EPHA6: variants seen among roughly 807,000 people sequenced by gnomAD.
EPHA6 encodes the protein ephrin type-A receptor 6.
EPHA6 carries 50 observed loss-of-function variants against 112.0 expected under a neutral mutation model. The ratio of observed to expected loss-of-function variants is 0.45; its 90% CI spans 0.36 to 0.56. The LOEUF is 0.56. EPHA6 is among the 20% of genes least tolerant of loss of function. EPHA6 has a pLI of 0.00. For missense variants in EPHA6, 1,280 were observed against 1,417.4 expected, an observed-to-expected ratio of 0.90 and a Z score of 1.56; for synonymous variants, 529 against 490.7, an observed-to-expected ratio of 1.08 and a Z score of -1.03.
intron 5 of EPHA6, among the ~76,000 whole-genome samples, chr3:97,267,962 G>A (rs2079744085): frequency 6.6e-6 from 1 of 152,124 alleles, no homozygotes; most frequent in African/African-American, 2.4e-5. Flanking sequence ...AATAAAAAAA[G>A]AGTTTATTTT....
chr3:97,096,610 A>G (rs938657215), intron 3 of EPHA6, among the ~76,000 whole-genome samples: 11 of 151,902 alleles, frequency 7.2e-5, no homozygotes, highest in Non-Finnish European at 1.5e-4. Context: ...TTAAAATCTC[A>G]GTGAGACATG....
At chr3:97,048,730 T>G (rs562662060) in intron 3 of EPHA6, among the ~76,000 whole-genome samples, 17 of 152,126 alleles carry the variant, frequency 1.1e-4, no homozygotes, top group Non-Finnish European at 1.8e-4. Flanking sequence ...GATAAAATAG[T>G]GAACAAAACT....
intron 1 of EPHA6, among the ~76,000 whole-genome samples, chr3:96,849,481 C>T (rs961149611): frequency 3.3e-5 from 5 of 152,082 alleles, no homozygotes; most frequent in Admixed American, 3.3e-4. Context: ...TTAAGTCTTG[C>T]TGTGTTAATT....
intron 14 of EPHA6, among the ~76,000 whole-genome samples, chr3:97,681,883 C>G (rs1387867255): frequency 6.6e-6 from 1 of 152,030 alleles, no homozygotes; most frequent in Admixed American, 6.6e-5. Flanking sequence ...ACATGTTTTA[C>G]TCTACTTAGT....
intron 5 of EPHA6, among the ~76,000 whole-genome samples, chr3:97,319,585 G>A (rs767242549): frequency 8.7e-5 from 13 of 149,434 alleles, no homozygotes; most frequent in Non-Finnish European, 1.6e-4. Context: ...CAGGAGAGTC[G>A]CTTGAACCCA....
chr3:97,755,342 T>C lies in EPHA6; in HGVS notation c.*6641T>C, dbSNP rs535361835. ...AAAAGTATCAGAATTAGTGAAAATC[T>C]TCCCTTAAGTAAAACTGTTCTTACT... On this transcript the variant is annotated 3_prime_UTR_variant, in exon 18 of 18. Coordinates refer to ENST00000389672, the MANE Select transcript of EPHA6 (RefSeq NM_001080448.3). 3.1e-4 allele frequency among the ~76,000 whole-genome samples: 47 copies of C among 152,318 alleles called. No individual in the cohort carries two copies. Among genetic ancestry groups the C allele is most frequent in the African/African-American group, 1.1e-3 (46 of 41,586 alleles).
At chr3:97,521,516 A>G (rs2092542385) in intron 10 of EPHA6, among the ~76,000 whole-genome samples, 1 of 152,186 alleles carries the variant, frequency 6.6e-6, no homozygotes, top group South Asian at 2.1e-4. Context: ...GAACCAAGCC[A>G]AAAGGGAAGC....
At chr3:97,005,877 T>G (rs2043858953) in intron 3 of EPHA6, among the ~76,000 whole-genome samples, 1 of 152,220 alleles carries the variant, frequency 6.6e-6, no homozygotes. Flanking sequence ...GAGATAATCA[T>G]GTGATTTTTG....
intron 5 of EPHA6, among the ~76,000 whole-genome samples, chr3:97,351,534 C>A (rs115698435): frequency 1.2e-4 from 19 of 152,024 alleles, no homozygotes; most frequent in Non-Finnish European, 2.4e-4. Context: ...GTATGTTGTA[C>A]GGCGAGGGAA....
chr3:97,000,287 A>ATATAGC (rs1553685583), intron 3 of EPHA6, among the ~76,000 whole-genome samples: 1 of 147,102 alleles, frequency 6.8e-6, no homozygotes, highest in Non-Finnish European at 1.5e-5. Context: ...ACACACACAC[A>ATATAGC]CACACATATA....
intron 11 of EPHA6, among the ~76,000 whole-genome samples, chr3:97,572,431 T>A (rs536552837): frequency 1.3e-5 from 2 of 152,184 alleles, no homozygotes; most frequent in Non-Finnish European, 2.9e-5. Flanking sequence ...ATTACAGGCG[T>A]GAGACACCGC....
At position 96,933,714 on chromosome 3, in the gene EPHA6, AT is replaced by A. The variant is rs767029792; in HGVS notation, c.451-53612del. The stretch of plus-strand genomic sequence containing the variant: ...TCTTAGAAGAAGAATTTAGTTATGA[AT>A]TTTAAGGACACAGAGTAAGTTTATT... On this transcript the variant is annotated intron_variant, in intron 2 of 17. Transcript: ENST00000389672. Among the ~76,000 whole-genome samples the A allele has an allele frequency of 7.9e-5, 12 of 152,298 alleles. No homozygotes were observed. In the East Asian group the frequency reaches 2.3e-3, roughly 29 times the overall value.
intron 12 of EPHA6, among the ~76,000 whole-genome samples, chr3:97,609,019 T>C (rs916943994): frequency 6.6e-6 from 1 of 151,372 alleles, no homozygotes. Flanking sequence ...GCAATACAAG[T>C]GGAATGCTTG....
intron 11 of EPHA6, among the ~76,000 whole-genome samples, chr3:97,571,740 A>G (rs1411743670): frequency 1.3e-5 from 2 of 152,230 alleles, no homozygotes; most frequent in African/African-American, 4.8e-5. Flanking sequence ...TAGACTCAAC[A>G]TGAATTTGCT....
At chr3:97,342,655 C>T (rs537875843) in intron 5 of EPHA6, among the ~76,000 whole-genome samples, 1 of 152,130 alleles carries the variant, frequency 6.6e-6, no homozygotes. Flanking sequence ...GAAGTGGAGT[C>T]CCTTATGATA....
At chr3:97,160,899 A>G (rs1171327958) in intron 3 of EPHA6, among the ~76,000 whole-genome samples, 1 of 152,050 alleles carries the variant, frequency 6.6e-6, no homozygotes, top group East Asian at 1.9e-4. Flanking sequence ...AGGACCATCT[A>G]TAAATCAGGT....
At chr3:97,158,714 A>T (rs2076345134) in intron 3 of EPHA6, among the ~76,000 whole-genome samples, 1 of 152,114 alleles carries the variant, frequency 6.6e-6, no homozygotes, top group Admixed American at 6.6e-5. Flanking sequence ...AAACCAATGG[A>T]GTAGAGGAAA....
intron 14 of EPHA6, among the ~76,000 whole-genome samples, chr3:97,644,115 G>A (rs1201473272): frequency 3.9e-5 from 6 of 152,056 alleles, no homozygotes; most frequent in African/African-American, 1.2e-4. Flanking sequence ...AATCAAACTA[G>A]AGCTCAGGAT....
intron 14 of EPHA6, among the ~76,000 whole-genome samples, chr3:97,649,220 G>A (rs183861858): frequency 2.5e-4 from 38 of 152,144 alleles, no homozygotes; most frequent in East Asian, 7.8e-4. Flanking sequence ...GGAAAGTCAC[G>A]TCTTACATGG....
Sources: allele counts gnomAD v4.1 joint callset (sites outside exome capture counted in the v4.1 genomes callset), GRCh38; gene constraint gnomAD v4.1.1; transcripts MANE v1.5; gene names NCBI Gene and HGNC (gene_info 2026-07-23, HGNC 2026-07-21).